Variants in F2RL3 observed in about 807,000 individuals in gnomAD.
F2RL3 encodes proteinase-activated receptor 4.
In F2RL3, 3 loss-of-function variants were observed where a neutral mutation model predicts 4.9. That is an observed-to-expected ratio of 0.61 (90% CI 0.28 to 1.58). The LOEUF (loss-of-function observed/expected upper bound fraction) is 1.58. Among genes scored for constraint, F2RL3 ranks in the 40% most tolerant of loss-of-function variants. The pLI is 0.11. For synonymous variants in F2RL3, 284 were observed against 278.4 expected (o/e 1.02, Z -0.20); for missense variants, 564 against 550.4 (o/e 1.02, Z -0.25).
At position 16,889,880 on chromosome 19, in the gene F2RL3, C is replaced by T. The variant is rs751225125; in HGVS notation, c.417C>T (p.Gly139=). 6.3e-7 allele frequency: 1 copy of T among 1,587,112 alleles called. No individual in the cohort carries two copies. The highest frequency in any genetic ancestry group is 1.7e-5 in the Admixed American group (1 of 57,522). Residue 139 remains glycine (G), a synonymous_variant, in exon 2 of 2, where the codon GGC becomes GGT. Coordinates refer to ENST00000248076, the MANE Select transcript of F2RL3 (RefSeq NM_003950.4). ...LPPRIAYHLR[G]QRWPFGEAAC... ...CGCGGATCGCCTACCACCTGCGTGG[C>T]CAGCGCTGGCCCTTCGGGGAGGCCG...
chr19:16,890,016 C>A lies in F2RL3; in HGVS notation c.553C>A (p.Arg185Ser). The A allele has an allele frequency of 6.3e-7, 1 of 1,597,526 alleles. No individual in the cohort carries two copies. The change falls in exon 2 of 2, where the codon CGC becomes AGC. Residue 185 changes from arginine to serine, a missense_variant. Transcript: ENST00000248076. ...YLALVHPLRA[R>S]ALRGRRLALG... ...GGCCCTGGTGCACCCGCTGCGGGCC[C>A]GCGCCCTGCGTGGCCGGCGCCTGGC...
At position 16,891,344 on chromosome 19, in the gene F2RL3, G is replaced by A. The variant is rs1020557043; in HGVS notation, c.*723G>A. 9 of 152,292 alleles carry A rather than the reference G, an allele frequency of 5.9e-5. No individual in the cohort carries two copies. In the East Asian group the frequency reaches 1.7e-3, roughly 29 times the overall value. The allele number at this position is 152,292 out of a possible 1,614,324, so 9.4% of individuals were successfully genotyped here. A position where few individuals can be genotyped will look rare whatever the true frequency, so the allele number is the denominator to read the frequency against. On this transcript the variant is annotated 3_prime_UTR_variant, in exon 2 of 2. Transcript: ENST00000248076. ...AGGCACAGGCGGGAGGATCACTTGAGCCTGGGAGGTTGTGGTTGCAGTGAG... is the reference window on the plus strand; with the variant it reads ...AGGCACAGGCGGGAGGATCACTTGAACCTGGGAGGTTGTGGTTGCAGTGAG...
chr19:16,890,073 G>C lies in F2RL3; in HGVS notation c.610G>C (p.Ala204Pro), dbSNP rs1404580292. 1 of 1,597,212 alleles carries C rather than the reference G, an allele frequency of 6.3e-7. No homozygotes were observed. Among genetic ancestry groups the C allele is most frequent in the Non-Finnish European group, 8.5e-7 (1 of 1,178,926 alleles). ...LGLCMAAWLM[A>P]AALALPLTLQ... Reference sequence around the variant, plus strand: ...ACTCTGCATGGCTGCTTGGCTCATGGCGGCCGCCCTGGCACTGCCCCTGAC... The same window carrying C: ...ACTCTGCATGGCTGCTTGGCTCATGCCGGCCGCCCTGGCACTGCCCCTGAC... The change falls in exon 2 of 2, where the codon GCG becomes CCG. Residue 204 changes from alanine (A) to proline (P), a missense_variant. Physicochemically the swap from Ala to Pro is conservative, Grantham distance 27 (BLOSUM62 -1). Transcript: ENST00000248076.
In F2RL3 at chr19:16,890,713, A is replaced by C. The variant is rs2051781284; in HGVS notation, c.*92A>C. Reference sequence around the variant, plus strand: ...ACCTCAGAATGTGACCTTATTTGGAAATAGGGTTGTTACAACTGTCACTAG... The same window carrying C: ...ACCTCAGAATGTGACCTTATTTGGACATAGGGTTGTTACAACTGTCACTAG... On this transcript the variant is annotated 3_prime_UTR_variant, in exon 2 of 2. Coordinates refer to ENST00000248076, the MANE Select transcript of F2RL3 (RefSeq NM_003950.4). 3.0e-6 allele frequency: 3 copies of C among 998,862 alleles called. No homozygotes were observed. The highest frequency in any genetic ancestry group is 5.2e-5 in the Admixed American group (2 of 38,272). 61.9% of individuals were successfully genotyped at this position (998,862 alleles called of 1,614,324 possible).
Position 16,889,595 on chromosome 19 carries a change from T to C in F2RL3, c.132T>C (p.Pro44=). ...CAGACAGCACGCCCTCAATCCTGCC[T>C]GCCCCCCGCGGCTACCCAGGCCAAG... ...GGDDSTPSIL[P]APRGYPGQVC... Residue 44 remains proline (P), a synonymous_variant, in exon 2 of 2, where the codon CCT becomes CCC. Coordinates refer to ENST00000248076, the MANE Select transcript of F2RL3 (RefSeq NM_003950.4). The C allele has an allele frequency of 6.3e-7, 1 of 1,587,330 alleles. No homozygotes were observed. Among genetic ancestry groups the C allele is most frequent in the Non-Finnish European group, 8.6e-7 (1 of 1,165,028 alleles).
Position 16,889,889 on chromosome 19 carries a change from G to A in F2RL3, c.426G>A (p.Trp142Ter), listed in dbSNP as rs1427476825. ...CCTACCACCTGCGTGGCCAGCGCTG[G>A]CCCTTCGGGGAGGCCGCCTGCCGCC... Reference protein sequence around the residue: ...RIAYHLRGQRWPFGEAACRLA... With the variant: ...RIAYHLRGQR The change falls in exon 2 of 2, where the codon TGG becomes TGA. Residue 142 changes from tryptophan to a stop codon, truncating the protein, a stop_gained. Coordinates refer to ENST00000248076, the MANE Select transcript of F2RL3 (RefSeq NM_003950.4). LOFTEE classifies it low-confidence loss of function (END_TRUNC). 7 of 1,585,266 alleles carry A rather than the reference G, an allele frequency of 4.4e-6. No individual in the cohort carries two copies. The highest frequency in any genetic ancestry group is 5.1e-6 in the Non-Finnish European group (6 of 1,171,632).
At position 16,889,606 on chromosome 19, in the gene F2RL3, G is replaced by GCCTGC. The variant is rs756153010; in HGVS notation, c.144_145insCTGCC (p.Tyr49LeufsTer69). The GCCTGC allele has an allele frequency of 1.6e-5, 25 of 1,593,298 alleles. No homozygotes were observed. The highest frequency in any genetic ancestry group is 3.4e-5 in the Admixed American group (2 of 58,808). ...CCCTCAATCCTGCCTGCCCCCCGCG[G>GCCTGC]CTACCCAGGCCAAGTCTGTGCCAAT... On this transcript the variant is annotated frameshift_variant, in exon 2 of 2. Transcript: ENST00000248076. LOFTEE classifies it low-confidence loss of function (END_TRUNC).
At position 16,889,559 on chromosome 19, in the gene F2RL3, CCT is replaced by C. The variant is rs1385750087; in HGVS notation, c.110-6_110-5del. The C allele has an allele frequency of 1.3e-6, 2 of 1,542,700 alleles. No homozygotes were observed. The highest frequency in any genetic ancestry group is 1.2e-5 in the South Asian group (1 of 81,148). On this transcript the variant is annotated splice_polypyrimidine_tract_variant and intron_variant, in intron 1 of 1. Coordinates refer to ENST00000248076, the MANE Select transcript of F2RL3 (RefSeq NM_003950.4). ...CCGAGGCAGGGGCTGACTGAGGTCC[CCT>C]CTCTCTCCCAGACAGCACGCCCTCA...
chr19:16,891,016 G>A lies in F2RL3; in HGVS notation c.*395G>A, dbSNP rs535820628. On this transcript the variant is annotated 3_prime_UTR_variant, in exon 2 of 2. Coordinates refer to ENST00000248076, the MANE Select transcript of F2RL3 (RefSeq NM_003950.4). Reference sequence around the variant, plus strand: ...AGGCAGAAGGATCGCTTGAACCTGGGAGGCAGAGGTTGCAGTGAGCCGAGA... The same window carrying A: ...AGGCAGAAGGATCGCTTGAACCTGGAAGGCAGAGGTTGCAGTGAGCCGAGA... 9 of 175,610 alleles carry A rather than the reference G, an allele frequency of 5.1e-5. 1 individual carries two copies. Among genetic ancestry groups the A allele is most frequent in the African/African-American group, 2.1e-4 (9 of 41,912 alleles). 10.9% of individuals were successfully genotyped at this position (175,610 alleles called of 1,614,324 possible). A position where few individuals can be genotyped will look rare whatever the true frequency, so the allele number is the denominator to read the frequency against.
chr19:16,890,041 C>A lies in F2RL3; in HGVS notation c.578C>A (p.Ala193Asp). Reference sequence around the variant, plus strand: ...CGCGCCCTGCGTGGCCGGCGCCTGGCCCTTGGACTCTGCATGGCTGCTTGG... The same window carrying A: ...CGCGCCCTGCGTGGCCGGCGCCTGGACCTTGGACTCTGCATGGCTGCTTGG... Reference protein sequence around the residue: ...RARALRGRRLALGLCMAAWLM... With the variant: ...RARALRGRRLDLGLCMAAWLM... The change falls in exon 2 of 2, where the codon GCC becomes GAC. Residue 193 changes from alanine to aspartate, a missense_variant. Coordinates refer to ENST00000248076, the MANE Select transcript of F2RL3 (RefSeq NM_003950.4). 1 of 1,598,992 alleles carries A rather than the reference C, an allele frequency of 6.3e-7. No homozygotes were observed. Among genetic ancestry groups the A allele is most frequent in the South Asian group, 1.1e-5 (1 of 90,822 alleles).
chr19:16,889,676 T>A lies in F2RL3; in HGVS notation c.213T>A (p.Leu71=). ...LELPDSSRAL[L]LGWVPTRLVP... is the part of the protein sequence containing the mutation. ...TCCCGGACAGCTCACGGGCACTGCT[T>A]CTGGGCTGGGTGCCCACCAGGCTGG... is the stretch of plus-strand genomic sequence containing the variant. Residue 71 remains leucine, a synonymous_variant, in exon 2 of 2, where the codon CTT becomes CTA. Coordinates refer to ENST00000248076, the MANE Select transcript of F2RL3 (RefSeq NM_003950.4). 1 of 1,609,992 alleles carries A rather than the reference T, an allele frequency of 6.2e-7. No individual in the cohort carries two copies.
At position 16,889,688 on chromosome 19, in the gene F2RL3, G is replaced by A. The variant is rs1481502815; in HGVS notation, c.225G>A (p.Val75=). 19 of 1,609,160 alleles carry A rather than the reference G, an allele frequency of 1.2e-5. No individual in the cohort carries two copies. The highest frequency in any genetic ancestry group is 1.6e-5 in the Non-Finnish European group (19 of 1,179,638). ...DSSRALLLGW[V]PTRLVPALYG... is the part of the protein sequence containing the mutation. The stretch of plus-strand genomic sequence containing the variant: ...CACGGGCACTGCTTCTGGGCTGGGT[G>A]CCCACCAGGCTGGTGCCCGCCCTCT... The change falls in exon 2 of 2, where the codon GTG becomes GTA. Residue 75 remains valine (V), a synonymous_variant. Coordinates refer to ENST00000248076, the MANE Select transcript of F2RL3 (RefSeq NM_003950.4).
rs2051797224 is a variant in F2RL3 at position 16,891,842 on chromosome 19, CG to C, written c.*1223del. 6.6e-6 allele frequency: 1 copy of C among 152,452 alleles called. No homozygotes were observed. Among genetic ancestry groups the C allele is most frequent in the Non-Finnish European group, 1.5e-5 (1 of 68,278 alleles). The allele number at this position is 152,452 out of a possible 1,614,324, so 9.4% of individuals were successfully genotyped here. ...GAGGCAGAGATGGGAGTGATGCGGA[CG>C]GACACAAACTAAGGGATGCCACGAT... On this transcript the variant is annotated 3_prime_UTR_variant, in exon 2 of 2. Transcript: ENST00000248076.
rs2051774170 is a variant in F2RL3, at chr19:16,890,338, C to T, written c.875C>T (p.Ala292Val). 1.3e-6 allele frequency: 2 copies of T among 1,595,898 alleles called. No individual in the cohort carries two copies. Among genetic ancestry groups the T allele is most frequent in the Non-Finnish European group, 1.7e-6 (2 of 1,175,434 alleles). The change falls in exon 2 of 2, where the codon GCC becomes GTC. Residue 292 changes from alanine (A) to valine (V), a missense_variant. By Grantham distance (64) the Ala-to-Val change is moderately conservative. Coordinates refer to ENST00000248076, the MANE Select transcript of F2RL3 (RefSeq NM_003950.4). ...CTGACCGCAGTGGTGCTGGCCTCCGCCGTGGCCTTCTTCGTGCCCAGCAAC... is the reference window on the plus strand; with the variant it reads ...CTGACCGCAGTGGTGCTGGCCTCCGTCGTGGCCTTCTTCGTGCCCAGCAAC... Reference protein sequence around the residue: ...LRLTAVVLASAVAFFVPSNLL... With the variant: ...LRLTAVVLASVVAFFVPSNLL...
chr19:16,889,220 G>A lies in F2RL3; in HGVS notation c.31G>A (p.Val11Met). Residue 11 changes from valine to methionine, a missense_variant, in exon 1 of 2, where the codon GTG becomes ATG. By Grantham distance (21) the Val-to-Met change is conservative. Coordinates refer to ENST00000248076, the MANE Select transcript of F2RL3 (RefSeq NM_003950.4). ...GGGGCGACTGCTCCTGTGGCCCCTG[G>A]TGCTGGGGTTCAGCCTGTCTGGCGG... MWGRLLLWPL[V>M]LGFSLSGGTQ... is the part of the protein sequence containing the mutation. The A allele has an allele frequency of 6.3e-7, 1 of 1,584,258 alleles. No individual in the cohort carries two copies. Among genetic ancestry groups the A allele is most frequent in the Non-Finnish European group, 8.6e-7 (1 of 1,166,958 alleles).
Position 16,889,968 on chromosome 19 carries a change from G to A in F2RL3, c.505G>A (p.Ala169Thr), listed in dbSNP as rs778679680. ...HMYGSVLLLAAVSLDRYLALV... is the reference protein window; with the variant it reads ...HMYGSVLLLATVSLDRYLALV... Reference sequence around the variant, plus strand: ...GTATGGCTCAGTGCTGCTGCTGGCCGCCGTCAGCCTGGATCGCTACCTGGC... The same window carrying A: ...GTATGGCTCAGTGCTGCTGCTGGCCACCGTCAGCCTGGATCGCTACCTGGC... Residue 169 changes from alanine to threonine, a missense_variant, in exon 2 of 2, where the codon GCC (alanine) becomes ACC (threonine). Transcript: ENST00000248076. The A allele has an allele frequency of 5.0e-6, 8 of 1,594,854 alleles. No individual in the cohort carries two copies. The highest frequency in any genetic ancestry group is 3.4e-5 in the Admixed American group (2 of 58,546).
chr19:16,889,708 C>T lies in F2RL3; in HGVS notation c.245C>T (p.Ala82Val), dbSNP rs1006799577. The T allele has an allele frequency of 1.2e-6, 2 of 1,607,152 alleles. No homozygotes were observed. Among genetic ancestry groups the T allele is most frequent in the Non-Finnish European group, 1.7e-6 (2 of 1,179,576 alleles). Residue 82 changes from alanine (A) to valine (V), a missense_variant, in exon 2 of 2, where the codon GCC becomes GTC. Transcript: ENST00000248076. ...TGGGTGCCCACCAGGCTGGTGCCCG[C>T]CCTCTATGGGCTGGTCCTGGTGGTG... is the stretch of plus-strand genomic sequence containing the variant. ...LGWVPTRLVP[A>V]LYGLVLVVGL... is the part of the protein sequence containing the mutation.
chr19:16,889,641 A>C lies in F2RL3; in HGVS notation c.178A>C (p.Thr60Pro), dbSNP rs1172254645. 5 of 1,609,090 alleles carry C rather than the reference A, an allele frequency of 3.1e-6. No individual in the cohort carries two copies. In the Admixed American group the frequency reaches 8.4e-5, roughly 27 times the overall value. Residue 60 changes from threonine (T) to proline (P), a missense_variant, in exon 2 of 2, where the codon ACC becomes CCC. By Grantham distance (38) the Thr-to-Pro change is conservative. Transcript: ENST00000248076. ...PGQVCANDSD[T>P]LELPDSSRAL... ...CCAAGTCTGTGCCAATGACAGTGACACCCTGGAGCTCCCGGACAGCTCACG... is the reference window on the plus strand; with the variant it reads ...CCAAGTCTGTGCCAATGACAGTGACCCCCTGGAGCTCCCGGACAGCTCACG...
In F2RL3 at chr19:16,890,256, G is replaced by A. The variant is rs372937570; in HGVS notation, c.793G>A (p.Gly265Arg). 5.0e-5 allele frequency: 79 copies of A among 1,565,376 alleles called. No individual in the cohort carries two copies. The highest frequency in any genetic ancestry group is 1.6e-4 in the African/African-American group (12 of 74,148). ...LPLLAMLLCYGATLHTLAASG... is the reference protein window; with the variant it reads ...LPLLAMLLCYRATLHTLAASG... ...CCTGCTGGCCATGCTGCTGTGCTAC[G>A]GGGCCACCCTGCACACGCTGGCGGC... Residue 265 changes from glycine (G) to arginine (R), a missense_variant, in exon 2 of 2, where the codon GGG becomes AGG. Coordinates refer to ENST00000248076, the MANE Select transcript of F2RL3 (RefSeq NM_003950.4).
Sources: gnomAD v4.1 joint callset for allele counts on GRCh38, gnomAD v4.1.1 for gene constraint, MANE v1.5 for transcripts, NCBI Gene and HGNC (gene_info 2026-07-23, HGNC 2026-07-21) for gene names.